Variants in THSD7B observed in about 807,000 individuals in gnomAD.
The protein encoded by THSD7B is thrombospondin type 1 domain containing 7B, also known as thrombospondin type-1 domain-containing protein 7B.
A neutral mutation model predicts 213.6 loss-of-function variants in THSD7B; 138 were observed. That is an observed-to-expected ratio of 0.65 (90% CI 0.56 to 0.74). The LOEUF (loss-of-function observed/expected upper bound fraction) is 0.74. Among genes scored for constraint, THSD7B ranks in the 30% least tolerant of loss-of-function variants. The pLI, the probability that THSD7B is intolerant of heterozygous loss-of-function variation, is 0.00. For missense variants in THSD7B, 1,931 were observed against 1,991.5 expected (o/e 0.97, Z 0.58); for synonymous variants, 742 against 687.0 (o/e 1.08, Z -1.25).
intron 1 of THSD7B, among the ~76,000 whole-genome samples, chr2:136,824,401 C>CT (rs1021604016): frequency 9.2e-5 from 14 of 151,374 alleles, no homozygotes; most frequent in South Asian, 4.2e-4. Context: ...AGATTAAGGT[C>CT]TTTTTTTTCT....
At chr2:137,632,731 G>A (rs1279788610) in intron 20 of THSD7B, among the ~76,000 whole-genome samples, 2 of 152,122 alleles carry the variant, frequency 1.3e-5, no homozygotes, top group Non-Finnish European at 2.9e-5. Flanking sequence ...TGTCAAAAGT[G>A]CTTAATCTTC....
At chr2:137,232,276 A>G (rs1573901579) in intron 8 of THSD7B, among the ~76,000 whole-genome samples, 1 of 152,168 alleles carries the variant, frequency 6.6e-6, no homozygotes, top group Admixed American at 6.5e-5. Context: ...ATGGATGCAT[A>G]TATGTCTGGT....
chr2:137,662,379 G>A (rs1324977871), intron 25 of THSD7B, among the ~76,000 whole-genome samples: 1 of 150,748 alleles, frequency 6.6e-6, no homozygotes, highest in African/African-American at 2.5e-5. Context: ...CACAGCGCCC[G>A]GCCAGGTGTT....
At chr2:137,314,240 G>T (rs928596975) in intron 12 of THSD7B, among the ~76,000 whole-genome samples, 1 of 151,724 alleles carries the variant, frequency 6.6e-6, no homozygotes, top group African/African-American at 2.4e-5. Context: ...TTCCCTTCTC[G>T]CTTCATTTCA....
At chr2:137,638,239 G>C (rs1217471863) in intron 20 of THSD7B, among the ~76,000 whole-genome samples, 2 of 152,162 alleles carry the variant, frequency 1.3e-5, no homozygotes, top group Admixed American at 6.5e-5. Flanking sequence ...GAATTCCCAC[G>C]TGTTGTAGGA....
intron 1 of THSD7B, among the ~76,000 whole-genome samples, chr2:136,802,639 T>TTATATA (rs56719114): frequency 0.086 from 4,903 of 56,870 alleles, 813 homozygotes; most frequent in Non-Finnish European, 0.13. Context: ...TGAATTAAGT[T>TTATATA]TATATATATA....
chr2:137,170,752 A>T lies in THSD7B; in HGVS notation c.1537A>T (p.Arg513Trp). 6.2e-7 allele frequency: 1 copy of T among 1,613,174 alleles called. No homozygotes were observed. Among genetic ancestry groups the T allele is most frequent in the Non-Finnish European group, 8.5e-7 (1 of 1,179,480 alleles). Residue 513 changes from arginine to tryptophan, a missense_variant, in exon 7 of 28, where the codon AGG becomes TGG. Physicochemically the swap from Arg to Trp is moderately radical, Grantham distance 101. Coordinates refer to ENST00000409968, the MANE Select transcript of THSD7B (RefSeq NM_001316349.2). ...DPQGKKGFRT[R>W]QRHVLMESTG... ...CTCTCTCTTTTTAGGATTTAGAACGAGGCAGCGCCATGTCCTCATGGAATC... is the reference window on the plus strand; with the variant it reads ...CTCTCTCTTTTTAGGATTTAGAACGTGGCAGCGCCATGTCCTCATGGAATC...
chr2:137,425,876 CAGAA>C (rs1047278207), intron 14 of THSD7B, among the ~76,000 whole-genome samples: 11 of 152,064 alleles, frequency 7.2e-5, no homozygotes, highest in African/African-American at 2.7e-4. Context: ...GCATCAAAAA[CAGAA>C]AGAAAGAGAA....
chr2:137,029,078 C>CTTTTTT (rs11443045), intron 2 of THSD7B, among the ~76,000 whole-genome samples: 5 of 121,008 alleles, frequency 4.1e-5, no homozygotes, highest in African/African-American at 9.5e-5. Context: ...TCTTTGTAAG[C>CTTTTTT]TTTTTTTTTT....
intron 14 of THSD7B, among the ~76,000 whole-genome samples, chr2:137,436,546 A>G (rs992763074): frequency 1.3e-5 from 2 of 152,116 alleles, no homozygotes; most frequent in African/African-American, 4.8e-5. Context: ...ATGGTATTCC[A>G]TCTTTTGCAT....
At chr2:136,869,976 G>A (rs917926823) in intron 1 of THSD7B, among the ~76,000 whole-genome samples, 1 of 151,376 alleles carries the variant, frequency 6.6e-6, no homozygotes, top group Middle Eastern at 3.4e-3. Context: ...GGAGGCTGAG[G>A]CAGGAGAATC....
intron 9 of THSD7B, among the ~76,000 whole-genome samples, chr2:137,233,688 G>A (rs1204108935): frequency 6.6e-6 from 1 of 152,098 alleles, no homozygotes; most frequent in Admixed American, 6.5e-5. Context: ...ATATGGGCTT[G>A]GAAACTAGGA....
At chr2:136,810,122 G>A (rs1212727001) in intron 1 of THSD7B, among the ~76,000 whole-genome samples, 9 of 152,198 alleles carry the variant, frequency 5.9e-5, no homozygotes, top group Non-Finnish European at 1.2e-4. Context: ...GAGAAGGCAA[G>A]TGTGACAAAA....
intron 17 of THSD7B, among the ~76,000 whole-genome samples, chr2:137,586,756 G>T (rs1219118613): frequency 6.6e-6 from 1 of 152,132 alleles, no homozygotes; most frequent in African/African-American, 2.4e-5. Flanking sequence ...TTTCTCTCTG[G>T]CTGCCCTTAG....
chr2:136,805,386 G>A (rs1282510900), intron 1 of THSD7B, among the ~76,000 whole-genome samples: 1 of 152,140 alleles, frequency 6.6e-6, no homozygotes, highest in African/African-American at 2.4e-5. Context: ...CAGCATTTTT[G>A]CATCCCCACC....
chr2:136,950,505 C>T (rs114755174), intron 2 of THSD7B, among the ~76,000 whole-genome samples: 1,630 of 152,170 alleles, frequency 0.011, 21 homozygotes, highest in African/African-American at 0.037. Context: ...AGAAGTAGGC[C>T]GTCAGCTCTC....
intron 12 of THSD7B, among the ~76,000 whole-genome samples, chr2:137,395,704 T>C (rs1486942917): frequency 6.6e-6 from 1 of 152,154 alleles, no homozygotes; most frequent in Non-Finnish European, 1.5e-5. Context: ...GATTCCCTCT[T>C]TTTCTATTGA....
chr2:137,166,279 T>C (rs1680126736), intron 6 of THSD7B, among the ~76,000 whole-genome samples: 1 of 152,176 alleles, frequency 6.6e-6, no homozygotes, highest in Non-Finnish European at 1.5e-5. Flanking sequence ...GCTTTGTCTT[T>C]GATACACTCC....
chr2:137,575,725 C>CACACATAT (rs59620213), intron 17 of THSD7B, among the ~76,000 whole-genome samples: 8 of 110,858 alleles, frequency 7.2e-5, no homozygotes, highest in South Asian at 4.1e-4. Flanking sequence ...CCATAACACA[C>CACACATAT]ATATATATAT....
Sources: allele counts gnomAD v4.1 joint callset (sites outside exome capture counted in the v4.1 genomes callset), GRCh38; gene constraint gnomAD v4.1.1; transcripts MANE v1.5; gene names NCBI Gene and HGNC (gene_info 2026-07-23, HGNC 2026-07-21).